Variants in EEFSEC observed in about 807,000 individuals in gnomAD.
EEFSEC encodes the protein selenocysteine-specific elongation factor.
EEFSEC carries 43 observed loss-of-function variants against 42.1 expected under a neutral mutation model. That is an observed-to-expected ratio of 1.02 (90% CI 0.80 to 1.32). The LOEUF (loss-of-function observed/expected upper bound fraction) is 1.32. Ranked by LOEUF, EEFSEC falls within the 40% of genes most tolerant of loss-of-function variation. The probability of loss-of-function intolerance (pLI) is 0.00; values close to 1 mark genes in which losing one functional copy is unlikely to be tolerated. For missense variants in EEFSEC, 745 were observed against 803.6 expected, an observed-to-expected ratio of 0.93 and a Z score of 0.88; for synonymous variants, 354 against 339.1, an observed-to-expected ratio of 1.04 and a Z score of -0.48.
In EEFSEC at chr3:128,365,984, G is replaced by A. The variant is rs72977344; in HGVS notation, c.1600+7611G>A. Among the ~76,000 whole-genome samples the A allele has an allele frequency of 9.3e-4, 141 of 152,352 alleles. 1 individual carries two copies. The highest frequency in any genetic ancestry group is 3.3e-3 in the African/African-American group (137 of 41,586). On this transcript the variant is annotated intron_variant, in intron 6 of 6. Coordinates refer to ENST00000254730, the MANE Select transcript of EEFSEC (RefSeq NM_021937.5). Reference sequence around the variant, plus strand: ...GCAAGTGCTTCAGCTCAGCCCAGAAGCTGATGCACCTCTCTGTTGACCAGG... The same window carrying A: ...GCAAGTGCTTCAGCTCAGCCCAGAAACTGATGCACCTCTCTGTTGACCAGG...
At chr3:128,177,494 A>G (rs2065362884) in intron 1 of EEFSEC, among the ~76,000 whole-genome samples, 1 of 146,730 alleles carries the variant, frequency 6.8e-6, no homozygotes, top group Non-Finnish European at 1.5e-5. Context: ...AAGTTTTTAA[A>G]CTATCAATAA....
intron 6 of EEFSEC, among the ~76,000 whole-genome samples, chr3:128,366,461 A>G (rs2067591442): frequency 6.6e-6 from 1 of 152,206 alleles, no homozygotes; most frequent in Non-Finnish European, 1.5e-5. Context: ...CCAGGCTGTC[A>G]TCACCCCAGT....
chr3:128,363,839 T>G (rs1283180137), intron 6 of EEFSEC, among the ~76,000 whole-genome samples: 1 of 152,228 alleles, frequency 6.6e-6, no homozygotes, highest in Non-Finnish European at 1.5e-5. Context: ...CACTCTCAGC[T>G]CTGTTTTCTG....
chr3:128,221,944 A>G (rs558914662), intron 1 of EEFSEC, among the ~76,000 whole-genome samples: 2 of 151,814 alleles, frequency 1.3e-5, no homozygotes, highest in South Asian at 4.1e-4. Flanking sequence ...AGTCATTGCC[A>G]TGTGCTTTCA....
At chr3:128,419,584 A>C in the EEFSEC span, among the ~76,000 whole-genome samples, 3 of 152,144 alleles carry the variant, frequency 2.0e-5, no homozygotes, top group African/African-American at 7.2e-5. Flanking sequence ...TGGTGGGAAA[A>C]GGGCACTCAG....
chr3:128,178,836 A>G (rs2065377006), intron 1 of EEFSEC, among the ~76,000 whole-genome samples: 1 of 152,128 alleles, frequency 6.6e-6, no homozygotes, highest in African/African-American at 2.4e-5. Context: ...TACTATTGTA[A>G]TTGTTATTTT....
At chr3:128,186,794 A>AT (rs1294505833) in intron 1 of EEFSEC, among the ~76,000 whole-genome samples, 20 of 150,810 alleles carry the variant, frequency 1.3e-4, no homozygotes, top group African/African-American at 2.4e-4. Flanking sequence ...ATTCTGAACT[A>AT]TTTTTTTTTT....
chr3:128,407,607 T>C (rs1474178179), intron 6 of EEFSEC, among the ~76,000 whole-genome samples: 1 of 152,134 alleles, frequency 6.6e-6, no homozygotes, highest in Non-Finnish European at 1.5e-5. Flanking sequence ...TGCCCTCTCT[T>C]CCCACACTCT....
intron 5 of EEFSEC, among the ~76,000 whole-genome samples, chr3:128,357,274 T>C (rs904289419): frequency 6.6e-6 from 1 of 152,242 alleles, no homozygotes; most frequent in Non-Finnish European, 1.5e-5. Context: ...CAGTCGCTGA[T>C]CAAGCCTCTA....
At chr3:128,213,513 C>T (rs898195066) in intron 1 of EEFSEC, among the ~76,000 whole-genome samples, 15 of 152,084 alleles carry the variant, frequency 9.9e-5, no homozygotes, top group African/African-American at 3.1e-4. Flanking sequence ...AGGTCCTGAA[C>T]GATCCAGAGG....
intron 6 of EEFSEC, among the ~76,000 whole-genome samples, chr3:128,360,749 G>A (rs1233629943): frequency 6.6e-6 from 1 of 151,886 alleles, no homozygotes; most frequent in South Asian, 2.1e-4. Flanking sequence ...GAGGGAGGAG[G>A]GGTATAGGGA....
At chr3:128,366,787 G>C (rs1184368926) in intron 6 of EEFSEC, among the ~76,000 whole-genome samples, 1 of 152,194 alleles carries the variant, frequency 6.6e-6, no homozygotes, top group Admixed American at 6.5e-5. Flanking sequence ...TTGAGCCCCT[G>C]TTATGTGTCA....
At chr3:128,222,982 G>C (rs2065875768) in intron 1 of EEFSEC, among the ~76,000 whole-genome samples, 1 of 152,212 alleles carries the variant, frequency 6.6e-6, no homozygotes, top group Non-Finnish European at 1.5e-5. Flanking sequence ...ATGCCTGAAA[G>C]ACCAACCATG....
intron 5 of EEFSEC, among the ~76,000 whole-genome samples, chr3:128,346,518 A>G (rs527861181): frequency 1.3e-5 from 2 of 152,360 alleles, no homozygotes; most frequent in South Asian, 2.1e-4. Flanking sequence ...AATAACAAAC[A>G]CAGTACTTTG....
At chr3:128,262,556 C>T (rs2066309589) in intron 3 of EEFSEC, among the ~76,000 whole-genome samples, 1 of 152,216 alleles carries the variant, frequency 6.6e-6, no homozygotes, top group Admixed American at 6.5e-5. Flanking sequence ...CCATCTGGAA[C>T]CCTGGGACCG....
At chr3:128,187,421 G>A (rs1273637538) in intron 1 of EEFSEC, among the ~76,000 whole-genome samples, 1 of 152,164 alleles carries the variant, frequency 6.6e-6, no homozygotes, top group Non-Finnish European at 1.5e-5. Context: ...CTTCTGTGAG[G>A]TACCTGGAAT....
intron 1 of EEFSEC, among the ~76,000 whole-genome samples, chr3:128,228,001 C>T (rs886990514): frequency 2.0e-5 from 3 of 152,190 alleles, no homozygotes; most frequent in Admixed American, 2.0e-4. Flanking sequence ...GCATACATAA[C>T]CTTTTTAAGT....
intron 5 of EEFSEC, among the ~76,000 whole-genome samples, chr3:128,343,044 C>G (rs73201463): frequency 6.6e-6 from 1 of 152,354 alleles, no homozygotes; most frequent in Non-Finnish European, 1.5e-5. Context: ...GGCAACCCCA[C>G]TGTCGGGGGC....
intron 1 of EEFSEC, among the ~76,000 whole-genome samples, chr3:128,193,003 A>C (rs1176958403): frequency 6.6e-6 from 1 of 152,182 alleles, no homozygotes; most frequent in Non-Finnish European, 1.5e-5. Context: ...ACTGTCCCTT[A>C]CCAGCTACAT....
Sources: allele counts gnomAD v4.1 joint callset (sites outside exome capture counted in the v4.1 genomes callset), GRCh38; gene constraint gnomAD v4.1.1; transcripts MANE v1.5; gene names NCBI Gene and HGNC (gene_info 2026-07-23, HGNC 2026-07-21).